The following GMDS variants were observed in gnomAD, a reference collection of about 807,000 sequenced individuals.
GMDS encodes the protein GDP-mannose 4,6-dehydratase.
A neutral mutation model predicts 49.9 loss-of-function variants in GMDS; 20 were observed. The ratio of observed to expected loss-of-function variants is 0.40; its 90% CI spans 0.28 to 0.58. GMDS has a LOEUF of 0.58. Ranked by LOEUF, GMDS falls within the 20% of genes least tolerant of loss-of-function variation. The probability of loss-of-function intolerance (pLI) is 0.42; values close to 1 mark genes in which losing one functional copy is unlikely to be tolerated. For synonymous variants in GMDS, 177 were observed against 178.6 expected (o/e 0.99, Z 0.07); for missense variants, 362 against 481.4 (o/e 0.75, Z 2.32).
intron 9 of GMDS, among the ~76,000 whole-genome samples, chr6:1,659,963 C>T (rs1349752663): frequency 6.6e-6 from 1 of 151,886 alleles, no homozygotes; most frequent in Non-Finnish European, 1.5e-5. Context: ...TAAACCTGGG[C>T]TCCCTGTGGT....
intron 4 of GMDS, among the ~76,000 whole-genome samples, chr6:2,000,638 C>T (rs775170482): frequency 6.6e-6 from 1 of 152,132 alleles, no homozygotes; most frequent in Non-Finnish European, 1.5e-5. Context: ...GTCAATCTCA[C>T]TTGTGTATGA....
chr6:2,232,707 G>A (rs1216778503), intron 1 of GMDS, among the ~76,000 whole-genome samples: 1 of 152,148 alleles, frequency 6.6e-6, no homozygotes, highest in Non-Finnish European at 1.5e-5. Flanking sequence ...TCACGCTGCG[G>A]AACAGCTCTC....
At chr6:1,993,552 T>C (rs1162091522) in intron 4 of GMDS, among the ~76,000 whole-genome samples, 1 of 152,210 alleles carries the variant, frequency 6.6e-6, no homozygotes, top group Admixed American at 6.5e-5. Context: ...AAGTAAAAGA[T>C]GATCCTCAGG....
intron 7 of GMDS, among the ~76,000 whole-genome samples, chr6:1,856,562 T>G (rs1757945463): frequency 6.6e-6 from 1 of 152,232 alleles, no homozygotes; most frequent in Admixed American, 6.5e-5. Flanking sequence ...CACTTTATGA[T>G]GGGGATGCCC....
At chr6:1,770,436 G>A (rs1464242127) in intron 7 of GMDS, among the ~76,000 whole-genome samples, 3 of 152,222 alleles carry the variant, frequency 2.0e-5, no homozygotes, top group African/African-American at 2.4e-5. Context: ...TTGTGGCAGC[G>A]GAGAATCTGA....
Position 1,654,461 on chromosome 6 carries a change from C to T in GMDS, c.988-29921G>A, listed in dbSNP as rs115671893. ...AAGACAATTTTGACACCTGCTACAA[C>T]ATGGATAAATCATGCATCGACTATG... On this transcript the variant is annotated intron_variant, in intron 9 of 10. Coordinates refer to ENST00000380815, the MANE Select transcript of GMDS (RefSeq NM_001500.4). Among the ~76,000 whole-genome samples, 570 of 152,320 alleles carry T rather than the reference C, an allele frequency of 3.7e-3. 3 individuals are homozygous for T. The highest frequency in any genetic ancestry group is 0.013 in the African/African-American group (548 of 41,558).
At chr6:1,681,193 G>A (rs1459913553) in intron 9 of GMDS, among the ~76,000 whole-genome samples, 1 of 151,746 alleles carries the variant, frequency 6.6e-6, no homozygotes, top group African/African-American at 2.4e-5. Context: ...TGAGCACAGG[G>A]CATGTGCCAA....
intron 4 of GMDS, among the ~76,000 whole-genome samples, chr6:2,066,951 C>T (rs912970507): frequency 6.6e-6 from 1 of 151,974 alleles, no homozygotes; most frequent in African/African-American, 2.4e-5. Context: ...CCCAAATCAA[C>T]AGAATATACA....
intron 6 of GMDS, among the ~76,000 whole-genome samples, chr6:1,936,656 T>C (rs1398401583): frequency 6.6e-6 from 1 of 152,176 alleles, no homozygotes; most frequent in Non-Finnish European, 1.5e-5. Context: ...ACCGCTTATA[T>C]GACAATGGTC....
intron 7 of GMDS, among the ~76,000 whole-genome samples, chr6:1,854,904 A>C (rs543334093): frequency 6.6e-6 from 1 of 152,350 alleles, no homozygotes; most frequent in African/African-American, 2.4e-5. Flanking sequence ...GAAAAAGAAG[A>C]TGAGAAATAA....
Position 2,228,397 on chromosome 6 carries a change from T to G in GMDS, c.102+16924A>C, listed in dbSNP as rs114688728. Among the ~76,000 whole-genome samples the G allele has an allele frequency of 5.3e-3, 814 of 152,320 alleles. 2 individuals are homozygous for G. Among genetic ancestry groups the G allele is most frequent in the Middle Eastern group, 0.017 (5 of 294 alleles). On this transcript the variant is annotated intron_variant, in intron 1 of 10. Transcript: ENST00000380815. ...CACTCCAAACCCTCTCCGTCCCACC[T>G]TAAGTGATCTGCCTTGAGCTGAGCC...
At chr6:1,894,160 C>T (rs1157989872) in intron 7 of GMDS, among the ~76,000 whole-genome samples, 1 of 152,170 alleles carries the variant, frequency 6.6e-6, no homozygotes, top group Non-Finnish European at 1.5e-5. Flanking sequence ...AAATCACGAC[C>T]TATCATGTTC....
In GMDS at chr6:2,059,175, CAAAAAAAAAAA is replaced by C. The variant is rs55832305; in HGVS notation, c.345+56585_345+56595del. Among the ~76,000 whole-genome samples the C allele has an allele frequency of 6.7e-3, 201 of 30,020 alleles. 4 individuals carry two copies. Among genetic ancestry groups the C allele is most frequent in the African/African-American group, 0.026 (198 of 7,596 alleles). 19.7% of individuals were successfully genotyped at this position (30,020 alleles called of 152,430 possible). A position where few individuals can be genotyped will look rare whatever the true frequency, so the allele number is the denominator to read the frequency against. The stretch of plus-strand genomic sequence containing the variant: ...TGGGCGACAGAGTGATCCTCTGTCT[CAAAAAAAAAAA>C]AAAAAAAAAAAAAAAAAAAGTCATC... On this transcript the variant is annotated intron_variant, in intron 4 of 10. Transcript: ENST00000380815.
chr6:2,004,028 C>T (rs1178196328), intron 4 of GMDS, among the ~76,000 whole-genome samples: 3 of 152,188 alleles, frequency 2.0e-5, no homozygotes, highest in African/African-American at 4.8e-5. Flanking sequence ...TCTTCCATGG[C>T]TATGATTCAG....
chr6:2,159,678 C>T (rs1777293819), intron 1 of GMDS, among the ~76,000 whole-genome samples: 1 of 151,678 alleles, frequency 6.6e-6, no homozygotes, highest in African/African-American at 2.4e-5. Context: ...GCCACCACGC[C>T]CAACTAATTT....
intron 9 of GMDS, among the ~76,000 whole-genome samples, chr6:1,652,356 G>C (rs1763678518): frequency 1.7e-5 from 1 of 59,214 alleles, no homozygotes; most frequent in Non-Finnish European, 3.1e-5. Flanking sequence ...TGGGTGACAA[G>C]AGTGAAACTC....
chr6:1,889,613 G>A (rs1759779714), intron 7 of GMDS, among the ~76,000 whole-genome samples: 1 of 152,066 alleles, frequency 6.6e-6, no homozygotes, highest in South Asian at 2.1e-4. Flanking sequence ...GGTTTCTTAA[G>A]ATTTTTACTA....
intron 7 of GMDS, among the ~76,000 whole-genome samples, chr6:1,819,886 A>T (rs984027642): frequency 1.9e-4 from 28 of 151,232 alleles, no homozygotes; most frequent in Admixed American, 7.9e-4. Context: ...CACTGTAATG[A>T]TAAAATCATT....
chr6:1,912,224 G>A (rs1761102019), intron 7 of GMDS, among the ~76,000 whole-genome samples: 1 of 152,106 alleles, frequency 6.6e-6, no homozygotes, highest in African/African-American at 2.4e-5. Flanking sequence ...AAATTAGCCA[G>A]GTGCGGTGGC....
Sources: allele counts gnomAD v4.1 joint callset (sites outside exome capture counted in the v4.1 genomes callset), GRCh38; gene constraint gnomAD v4.1.1; transcripts MANE v1.5; gene names NCBI Gene and HGNC (gene_info 2026-07-23, HGNC 2026-07-21).